KIAA1549L: variants seen among roughly 807,000 people sequenced by gnomAD.
The protein encoded by KIAA1549L is UPF0606 protein KIAA1549L.
A neutral mutation model predicts 160.7 loss-of-function variants in KIAA1549L; 88 were observed. The observed-to-expected ratio is 0.55, with a 90% CI of 0.46 to 0.65. KIAA1549L has a LOEUF of 0.65. Among genes scored for constraint, KIAA1549L ranks in the 30% least tolerant of loss-of-function variants. KIAA1549L has a pLI of 0.00. For missense variants in KIAA1549L, 2,258 were observed against 2,437.5 expected (o/e 0.93, Z 1.55); for synonymous variants, 950 against 976.7 (o/e 0.97, Z 0.51).
intron 1 of KIAA1549L, among the ~76,000 whole-genome samples, chr11:33,444,879 C>T (rs1851579776): frequency 1.3e-5 from 2 of 152,200 alleles, no homozygotes; most frequent in Non-Finnish European, 1.5e-5. Flanking sequence ...CCTTACACCA[C>T]ATATCCACTG....
chr11:33,464,314 C>G (rs1851999358), intron 1 of KIAA1549L, among the ~76,000 whole-genome samples: 1 of 152,144 alleles, frequency 6.6e-6, no homozygotes, highest in Non-Finnish European at 1.5e-5. Flanking sequence ...ATCAGCAAAC[C>G]CTTGTCCCTT....
chr11:33,430,970 C>T (rs1011513441), intron 1 of KIAA1549L, among the ~76,000 whole-genome samples: 95 of 151,976 alleles, frequency 6.3e-4, no homozygotes, highest in Non-Finnish European at 7.6e-4. Context: ...TAAGGTGGCG[C>T]GTCTGGAGTT....
At chr11:33,654,381 C>T (rs1851991335) in intron 17 of KIAA1549L, among the ~76,000 whole-genome samples, 1 of 152,202 alleles carries the variant, frequency 6.6e-6, no homozygotes, top group African/African-American at 2.4e-5. Flanking sequence ...GTTTTTTCTA[C>T]TCTTTTTAAC....
intron 6 of KIAA1549L, among the ~76,000 whole-genome samples, chr11:33,554,695 G>A (rs1008326518): frequency 6.6e-6 from 1 of 152,148 alleles, no homozygotes; most frequent in Non-Finnish European, 1.5e-5. Context: ...CTGGGCCAAG[G>A]AGGTTAAATG....
At chr11:33,488,223 A>G (rs1242453880) in intron 1 of KIAA1549L, among the ~76,000 whole-genome samples, 1 of 152,226 alleles carries the variant, frequency 6.6e-6, no homozygotes, top group East Asian at 1.9e-4. Context: ...GTGTTAAGAA[A>G]ATGAATAATG....
chr11:33,502,841 G>A (rs1852983321), intron 1 of KIAA1549L, among the ~76,000 whole-genome samples: 1 of 152,156 alleles, frequency 6.6e-6, no homozygotes, highest in South Asian at 2.1e-4. Flanking sequence ...TCTTAAAATG[G>A]AGATAAAACG....
At chr11:33,584,524 C>T (rs1379917572) in intron 11 of KIAA1549L, among the ~76,000 whole-genome samples, 2 of 152,204 alleles carry the variant, frequency 1.3e-5, no homozygotes, top group Non-Finnish European at 2.9e-5. Context: ...TTCTGGTCAC[C>T]TTGCTCCCTT....
chr11:33,553,086 G>T (rs988149129), intron 6 of KIAA1549L, among the ~76,000 whole-genome samples: 2 of 152,206 alleles, frequency 1.3e-5, no homozygotes, highest in Non-Finnish European at 2.9e-5. Flanking sequence ...AGCGTCCCCT[G>T]TAGGGGCTGC....
At chr11:33,598,998 C>A (rs201694566) in intron 13 of KIAA1549L, 51 bp downstream of exon 13, 1 of 1,603,140 alleles carries the variant, frequency 6.2e-7, no homozygotes, top group African/African-American at 1.3e-5. Flanking sequence ...CACGCGTGCC[C>A]GCACACACAT....
chr11:33,575,617 T>C (rs1349475601), intron 10 of KIAA1549L, among the ~76,000 whole-genome samples: 1 of 152,194 alleles, frequency 6.6e-6, no homozygotes, highest in African/African-American at 2.4e-5. Context: ...GGCCCGGATA[T>C]TAATCTAGAT....
chr11:33,442,648 C>A (rs1049190569), intron 1 of KIAA1549L, among the ~76,000 whole-genome samples: 1 of 152,106 alleles, frequency 6.6e-6, no homozygotes. Flanking sequence ...TGTCTAGATA[C>A]TGATTTTATT....
chr11:33,595,449 A>G (rs2901321), intron 12 of KIAA1549L, among the ~76,000 whole-genome samples: 31,108 of 151,994 alleles, frequency 0.2, 3,639 homozygotes, highest in East Asian at 0.36. Context: ...GGCTGGTCTC[A>G]AACTCCTGAC....
At chr11:33,416,434 C>A (rs1040377519) in intron 1 of KIAA1549L, among the ~76,000 whole-genome samples, 25 of 151,570 alleles carry the variant, frequency 1.6e-4, no homozygotes, top group African/African-American at 5.6e-4. Context: ...ATCTGCAGAT[C>A]CAACCAACTT....
At position 33,541,951 on chromosome 11, in the gene KIAA1549L, G is replaced by T; in HGVS notation, c.388G>T (p.Asp130Tyr). The T allele has an allele frequency of 2.6e-6, 1 of 383,326 alleles. No individual in the cohort carries two copies. Among genetic ancestry groups the T allele is most frequent in the Non-Finnish European group, 5.4e-6 (1 of 183,778 alleles). The allele number at this position is 383,326 out of a possible 1,614,324, so 23.7% of individuals were successfully genotyped here. A position where few individuals can be genotyped will look rare whatever the true frequency, so the allele number is the denominator to read the frequency against. ...RIKTVLGQSSDNTSLPQSART... is the reference protein window; with the variant it reads ...RIKTVLGQSSYNTSLPQSART... ...CAAGACCGTGCTGGGACAGTCCTCT[G>T]ACAACACAAGCTTGCCACAGTCAGC... The change falls in exon 2 of 21, where the codon GAC becomes TAC. Residue 130 changes from aspartate (D) to tyrosine (Y), a missense_variant. Physicochemically the swap from Asp to Tyr is radical, Grantham distance 160 (BLOSUM62 -3). Coordinates refer to ENST00000658780, the MANE Select transcript of KIAA1549L (RefSeq NM_012194.3).
At chr11:33,625,176 G>A (rs1348257511) in intron 16 of KIAA1549L, among the ~76,000 whole-genome samples, 1 of 151,568 alleles carries the variant, frequency 6.6e-6, no homozygotes, top group Admixed American at 6.6e-5. Flanking sequence ...CATTTGGGTT[G>A]GTTCCAAGTC....
At chr11:33,666,415 C>T (rs1379752407) in intron 20 of KIAA1549L, among the ~76,000 whole-genome samples, 1 of 152,212 alleles carries the variant, frequency 6.6e-6, no homozygotes, top group African/African-American at 2.4e-5. Flanking sequence ...CAGAATCCCC[C>T]TCCCACTGCA....
At chr11:33,515,487 C>T (rs1360535783) in intron 1 of KIAA1549L, among the ~76,000 whole-genome samples, 1 of 152,232 alleles carries the variant, frequency 6.6e-6, no homozygotes, top group East Asian at 1.9e-4. Flanking sequence ...AGTCATATGA[C>T]CAGCAGTCTG....
chr11:33,499,206 C>T (rs1012868241), intron 1 of KIAA1549L, among the ~76,000 whole-genome samples: 3 of 152,202 alleles, frequency 2.0e-5, no homozygotes, highest in African/African-American at 7.2e-5. Flanking sequence ...TGTCCAAACT[C>T]AGGAACTGAG....
intron 16 of KIAA1549L, among the ~76,000 whole-genome samples, chr11:33,632,137 G>T (rs968556600): frequency 6.6e-6 from 1 of 152,202 alleles, no homozygotes; most frequent in African/African-American, 2.4e-5. Flanking sequence ...AACATGAACA[G>T]GGTGAATTGT....
Sources: gnomAD v4.1 joint callset for allele counts (sites outside exome capture counted in the v4.1 genomes callset) on GRCh38, gnomAD v4.1.1 for gene constraint, MANE v1.5 for transcripts, NCBI Gene and HGNC (gene_info 2026-07-23, HGNC 2026-07-21) for gene names.